Variants in GFI1B observed in about 807,000 individuals in gnomAD.
GFI1B encodes the protein growth factor independent 1B transcriptional repressor, also known as zinc finger protein Gfi-1b.
Under a neutral mutation model 35.3 loss-of-function variants are expected in GFI1B, and 20 were observed. That is an observed-to-expected ratio of 0.57 (90% CI 0.40 to 0.82). The LOEUF is 0.82. Among genes scored for constraint, GFI1B ranks in the 40% least tolerant of loss-of-function variants. GFI1B has a pLI of 0.00. For missense variants in GFI1B, 430 were observed against 446.3 expected (o/e 0.96, Z 0.33); for synonymous variants, 178 against 177.6 (o/e 1.00, Z -0.02).
upstream of GFI1B, chr9:132,975,063 C>T (rs1368143557): frequency 1.3e-5 from 2 of 152,224 alleles, no homozygotes; most frequent in Non-Finnish European, 2.9e-5. Context: ...AGTTCAAGAC[C>T]AGCCTGGGCT....
chr9:132,947,809 C>CAAAAA (rs58406908), intron 1 of GFI1B, among the ~76,000 whole-genome samples: 4 of 86,054 alleles, frequency 4.6e-5, no homozygotes, highest in African/African-American at 4.1e-5. Context: ...ACTTGGTCTC[C>CAAAAA]AAAAAAAAAA....
intron 3 of GFI1B, 42 bp downstream of exon 3, chr9:132,987,461 A>G: frequency 6.2e-7 from 1 of 1,611,542 alleles, no homozygotes; most frequent in Non-Finnish European, 8.5e-7. Flanking sequence ...GGGAGTGCCA[A>G]GGGGAGGAAG....
intron 1 of GFI1B, among the ~76,000 whole-genome samples, chr9:132,980,750 A>G (rs1304085526): frequency 2.0e-5 from 3 of 152,212 alleles, no homozygotes; most frequent in Admixed American, 1.3e-4. Context: ...AGGGACTCAT[A>G]TAAGGAATCA....
chr9:132,977,347 G>T (rs575114856), upstream of GFI1B, among the ~76,000 whole-genome samples: 3 of 152,048 alleles, frequency 2.0e-5, no homozygotes, highest in Non-Finnish European at 4.4e-5. Context: ...CCTGGGGCTG[G>T]GACTGACACC....
chr9:132,984,371 C>G (rs896391126), intron 1 of GFI1B, among the ~76,000 whole-genome samples: 2 of 152,100 alleles, frequency 1.3e-5, no homozygotes, highest in Non-Finnish European at 2.9e-5. Context: ...AGACGTGTCC[C>G]TGGGAGATAA....
intron 1 of GFI1B, among the ~76,000 whole-genome samples, chr9:132,965,318 G>A (rs1160675842): frequency 1.3e-5 from 2 of 152,148 alleles, no homozygotes; most frequent in Admixed American, 6.5e-5. Context: ...ACCTTCTTGT[G>A]TTAGAAAGCA....
chr9:132,979,246 CTTTTTTTT>C (rs34125755), intron 1 of GFI1B, among the ~76,000 whole-genome samples: 137 of 95,638 alleles, frequency 1.4e-3, no homozygotes, highest in African/African-American at 4.2e-3. Context: ...TCCTGGGACA[CTTTTTTTT>C]TTTTTTTTTT....
In GFI1B at chr9:132,969,727, C is replaced by T. The variant is rs571931607; in HGVS notation, c.-700-2998C>T. Among the ~76,000 whole-genome samples, 3 of 152,246 alleles carry T rather than the reference C, an allele frequency of 2.0e-5. No homozygotes were observed. In the South Asian group the frequency reaches 6.2e-4, roughly 32 times the overall value. On this transcript the variant is annotated intron_variant, in intron 1 of 10. Transcript: ENST00000339463. ...TTTCCAAATGAGCTTATTACAAGGG[C>T]CCCTTTAAAACTGCAAACCATTCAT...
At chr9:132,986,810 A>C (rs1588437664) in intron 2 of GFI1B, 32 bp downstream of exon 2, 1 of 1,356,134 alleles carries the variant, frequency 7.4e-7, no homozygotes, top group Non-Finnish European at 1.0e-6. Flanking sequence ...CGCCTGCTGC[A>C]CCCACGGGGG....
chr9:132,961,981 C>T (rs987883496), intron 1 of GFI1B, among the ~76,000 whole-genome samples: 1 of 151,956 alleles, frequency 6.6e-6, no homozygotes, highest in African/African-American at 2.4e-5. Context: ...ACTGCACACC[C>T]TCTCTAGACA....
chr9:132,969,799 C>T (rs1288818061), intron 1 of GFI1B, among the ~76,000 whole-genome samples: 4 of 152,210 alleles, frequency 2.6e-5, no homozygotes, highest in Admixed American at 2.0e-4. Flanking sequence ...CCACTCTCCC[C>T]AGCATCTCCA....
chr9:132,989,324 C>G lies in GFI1B; in HGVS notation c.648+126C>G, dbSNP rs956587191. On this transcript the variant is annotated intron_variant, in intron 5 of 6. Coordinates refer to ENST00000372122, the MANE Select transcript of GFI1B (RefSeq NM_001377304.1). The surrounding 1 kb of genome is among the most constrained non-coding windows in gnomAD (Gnocchi z 6.2). The stretch of plus-strand genomic sequence containing the variant: ...GGGTGACACAGATTGGGAGGGGTCC[C>G]CTAGTACCCACCTCCCTGGGTCTGG... 1.2e-5 allele frequency: 11 copies of G among 911,314 alleles called. No homozygotes were observed. The highest frequency in any genetic ancestry group is 1.9e-5 in the Non-Finnish European group (11 of 572,954). The allele number at this position is 911,314 out of a possible 1,614,324, so 56.5% of individuals were successfully genotyped here. A position where few individuals can be genotyped will look rare whatever the true frequency, so the allele number is the denominator to read the frequency against.
rs566390660 is a variant in GFI1B at position 132,982,964 on chromosome 9, G to A, written c.-20-3695G>A. On this transcript the variant is annotated intron_variant, in intron 1 of 6. Transcript: ENST00000372122. Reference sequence around the variant, plus strand: ...CTTGCCCTGTGCCTAAGTGAAAAGTGCTTGGCCAGGGCTCATGAGCGCTAG... The same window carrying A: ...CTTGCCCTGTGCCTAAGTGAAAAGTACTTGGCCAGGGCTCATGAGCGCTAG... 3.9e-5 allele frequency among the ~76,000 whole-genome samples: 6 copies of A among 152,238 alleles called. No homozygotes were observed. The South Asian group carries it at 1.0e-3, about 26-fold the overall frequency.
intron 1 of GFI1B, among the ~76,000 whole-genome samples, chr9:132,966,340 C>A (rs1042189673): frequency 8.2e-5 from 12 of 147,030 alleles, no homozygotes; most frequent in African/African-American, 3.0e-4. Context: ...GCCTAGGCAA[C>A]AAAGTGAGAT....
chr9:132,988,900 C>G (rs942998689), intron 4 of GFI1B, among the ~76,000 whole-genome samples, 161 bp from the exon 5 acceptor site: 1 of 152,048 alleles, frequency 6.6e-6, no homozygotes. Context: ...ACGGACCTCC[C>G]TGGGACACAC....
In GFI1B at chr9:132,989,753, C is replaced by T. The variant is rs374075090; in HGVS notation, c.660C>T (p.Phe220=). Residue 220 remains phenylalanine (F), a synonymous_variant, in exon 6 of 7, where the codon TTC becomes TTT. Coordinates refer to ENST00000372122, the MANE Select transcript of GFI1B (RefSeq NM_001377304.1). The surrounding 1 kb of genome is among the most constrained non-coding windows in gnomAD (Gnocchi z 6.2). ...ATTTCCTCCGGCAGGAGCGCAGCTT[C>T]GAGTGCCGCATGTGCGGCAAGGCCT... ...HTHVHSQERS[F]ECRMCGKAFK... is the part of the protein sequence containing the mutation. 12 of 1,613,856 alleles carry T rather than the reference C, an allele frequency of 7.4e-6. No individual in the cohort carries two copies. In the African/African-American group the frequency reaches 9.3e-5, roughly 13 times the overall value.
intron 1 of GFI1B, among the ~76,000 whole-genome samples, chr9:132,954,276 A>T (rs1260367805): frequency 6.6e-6 from 1 of 151,966 alleles, no homozygotes; most frequent in Non-Finnish European, 1.5e-5. Context: ...CATTTTTTGT[A>T]GAAACAAGGT....
At chr9:132,953,973 C>T (rs1330572851) in intron 1 of GFI1B, among the ~76,000 whole-genome samples, 1 of 152,070 alleles carries the variant, frequency 6.6e-6, no homozygotes, top group African/African-American at 2.4e-5. Flanking sequence ...ATAAACTATA[C>T]ACTTCTATTT....
At chr9:132,972,294 C>T (rs897522043) in intron 1 of GFI1B, among the ~76,000 whole-genome samples, 6 of 150,758 alleles carry the variant, frequency 4.0e-5, no homozygotes, top group Non-Finnish European at 7.4e-5. Context: ...TGGTGGCGGG[C>T]GCCTGTAATC....
Sources: allele counts gnomAD v4.1 joint callset (sites outside exome capture counted in the v4.1 genomes callset), GRCh38; gene constraint gnomAD v4.1.1; non-coding constraint Gnocchi (gnomAD v3.1); transcripts MANE v1.5; gene names NCBI Gene and HGNC (gene_info 2026-07-23, HGNC 2026-07-21).